CPNE4: variants seen among roughly 807,000 people sequenced by gnomAD.
CPNE4 encodes the protein copine 4.
In CPNE4, 25 loss-of-function variants were observed where a neutral mutation model predicts 67.9. The observed-to-expected ratio is 0.37, with a 90% CI of 0.27 to 0.51. The LOEUF is 0.51. Among genes scored for constraint, CPNE4 ranks in the 20% least tolerant of loss-of-function variants. The pLI, the probability that CPNE4 is intolerant of heterozygous loss-of-function variation, is 0.93. For synonymous variants in CPNE4, 242 were observed against 244.9 expected, an observed-to-expected ratio of 0.99 and a Z score of 0.11; for missense variants, 464 against 690.8, an observed-to-expected ratio of 0.67 and a Z score of 3.68.
intron 1 of CPNE4, among the ~76,000 whole-genome samples, chr3:131,989,111 C>G (rs1011294112): frequency 2.6e-5 from 4 of 152,178 alleles, no homozygotes; most frequent in African/African-American, 9.7e-5. Flanking sequence ...AAGGTGTGTT[C>G]AAAGCCCACC....
intron 6 of CPNE4, among the ~76,000 whole-genome samples, chr3:131,673,283 GTTC>G (rs1285547811): frequency 2.6e-5 from 4 of 151,990 alleles, no homozygotes; most frequent in African/African-American, 9.7e-5. Context: ...CTCCAGTTTT[GTTC>G]TTTTTGCTTA....
intron 1 of CPNE4, among the ~76,000 whole-genome samples, chr3:131,942,463 TGAGAGAGAGAGAGAGAGAGA>T (rs59277847): frequency 0.078 from 5,540 of 70,940 alleles, 221 homozygotes; most frequent in African/African-American, 0.14. Flanking sequence ...TGTGTGTGTG[TGAGAGAGAGAGAGAGAGAGA>T]GAGAGAGAGA....
At chr3:131,876,641 C>CAAAAAAAAAAAAA (rs61625119) in intron 2 of CPNE4, among the ~76,000 whole-genome samples, 11 of 101,596 alleles carry the variant, frequency 1.1e-4, no homozygotes, top group African/African-American at 2.9e-4. Flanking sequence ...GACTCCGTCT[C>CAAAAAAAAAAAAA]AAAAAAAAAA....
At chr3:132,036,296 C>T (rs185588517), upstream of CPNE4, among the ~76,000 whole-genome samples, 3 of 152,030 alleles carry the variant, frequency 2.0e-5, no homozygotes, top group Admixed American at 6.6e-5. Flanking sequence ...ATAAGTCAAT[C>T]GTTGTGACCT....
intron 1 of CPNE4, among the ~76,000 whole-genome samples, chr3:131,924,793 G>A (rs1014321483): frequency 1.3e-5 from 2 of 152,096 alleles, no homozygotes; most frequent in African/African-American, 2.4e-5. Context: ...CAGTGTAAAC[G>A]TGAGTGTTAT....
At chr3:131,758,289 AC>A (rs2082803408) in intron 2 of CPNE4, among the ~76,000 whole-genome samples, 2 of 152,170 alleles carry the variant, frequency 1.3e-5, no homozygotes, top group Non-Finnish European at 1.5e-5. Flanking sequence ...GACCATGGGA[AC>A]CCACCTCTTG....
At chr3:131,985,037 T>C (rs2073007726) in intron 1 of CPNE4, among the ~76,000 whole-genome samples, 1 of 152,214 alleles carries the variant, frequency 6.6e-6, no homozygotes, top group Non-Finnish European at 1.5e-5. Context: ...AGAAATTTAC[T>C]TCTCAAAGTT....
intron 1 of CPNE4, among the ~76,000 whole-genome samples, chr3:132,003,237 T>C (rs1284400699): frequency 6.6e-6 from 1 of 152,218 alleles, no homozygotes; most frequent in East Asian, 1.9e-4. Context: ...GATGACATCA[T>C]GGCTGCCTCT....
chr3:131,783,350 G>T (rs1248425492), intron 2 of CPNE4, among the ~76,000 whole-genome samples: 1 of 152,088 alleles, frequency 6.6e-6, no homozygotes, highest in African/African-American at 2.4e-5. Context: ...CCCCTTCTGT[G>T]TTAGTTACCT....
chr3:131,882,527 A>G (rs1270889387), intron 2 of CPNE4, among the ~76,000 whole-genome samples: 1 of 152,168 alleles, frequency 6.6e-6, no homozygotes, highest in African/African-American at 2.4e-5. Context: ...ACCCAATATG[A>G]ATATCCTTTA....
Position 131,542,426 on chromosome 3 carries a change from G to A in CPNE4, c.1539+131C>T, listed in dbSNP as rs1360515267. 3 of 730,898 alleles carry A rather than the reference G, an allele frequency of 4.1e-6. No homozygotes were observed. The South Asian group carries it at 4.7e-5, about 11-fold the overall frequency. 45.3% of individuals were successfully genotyped at this position (730,898 alleles called of 1,614,324 possible). A position where few individuals can be genotyped will look rare whatever the true frequency, so the allele number is the denominator to read the frequency against. On this transcript the variant is annotated intron_variant, in intron 15 of 15. Transcript: ENST00000429747. ...AAGCCAGGTCATCTCCCACAGCAAGGGTATGTAGAGCATAGCTGGTGTTGC... is the reference window on the plus strand; with the variant it reads ...AAGCCAGGTCATCTCCCACAGCAAGAGTATGTAGAGCATAGCTGGTGTTGC...
Position 131,723,625 on chromosome 3 carries a change from C to T in CPNE4, c.181G>A (p.Val61Ile). Reference protein sequence around the residue: ...KMQSHGQWFEVDRTEVIRTCI... With the variant: ...KMQSHGQWFEIDRTEVIRTCI... ...GTGCGAATCACCTCAGTCCTGTCAA[C>T]CTGCAAGGAGAAAGAGAAAACCTAT... is the stretch of plus-strand genomic sequence containing the variant. Residue 61 changes from valine to isoleucine, a missense_variant and splice_region_variant, in exon 3 of 16, where the codon GTT (valine) becomes ATT (isoleucine). This residue lies in a region of CPNE4 where 170 missense variants were observed against 203.3 expected (regional missense o/e 0.84). Transcript: ENST00000429747. The T allele has an allele frequency of 1.2e-6, 2 of 1,607,588 alleles. No individual in the cohort carries two copies. The highest frequency in any genetic ancestry group is 1.7e-6 in the Non-Finnish European group (2 of 1,176,386).
At chr3:131,978,228 C>CATATTTATATATATTTATAT (rs2072750042) in intron 1 of CPNE4, among the ~76,000 whole-genome samples, 1 of 10,014 alleles carries the variant, frequency 1.0e-4, no homozygotes, top group Non-Finnish European at 1.4e-4. Flanking sequence ...AATAAATTTA[C>CATATTTATATATATTTATAT]ATATTTATAT....
intron 2 of CPNE4, among the ~76,000 whole-genome samples, chr3:131,860,155 T>A (rs1015121913): frequency 4.6e-5 from 7 of 152,230 alleles, no homozygotes; most frequent in African/African-American, 1.7e-4. Context: ...TGTAAAGTTA[T>A]GTTGGTGCAT....
intron 6 of CPNE4, among the ~76,000 whole-genome samples, chr3:131,671,510 G>T (rs1477498007): frequency 6.6e-6 from 1 of 151,560 alleles, no homozygotes; most frequent in Non-Finnish European, 1.5e-5. Context: ...ACCCACAAGT[G>T]AGCAGTTTTG....
intron 2 of CPNE4, among the ~76,000 whole-genome samples, chr3:131,896,776 C>CT (rs1353282392): frequency 2.6e-5 from 4 of 152,166 alleles, no homozygotes; most frequent in African/African-American, 9.6e-5. Context: ...GCATGGATGC[C>CT]TTACCTTATT....
At chr3:131,775,994 T>G (rs1038751395) in intron 2 of CPNE4, among the ~76,000 whole-genome samples, 2 of 152,140 alleles carry the variant, frequency 1.3e-5, no homozygotes, top group Non-Finnish European at 2.9e-5. Context: ...AGGTGGATAA[T>G]TGTGAAGCAG....
intron 6 of CPNE4, among the ~76,000 whole-genome samples, chr3:131,679,365 T>TA (rs200406433): frequency 2.2e-4 from 33 of 151,390 alleles, no homozygotes; most frequent in South Asian, 6.3e-4. Context: ...ATAATATTAT[T>TA]AAAAAAAAAC....
intron 8 of CPNE4, among the ~76,000 whole-genome samples, chr3:131,586,726 ATCTGTCTG>A (rs3039201): frequency 0.042 from 5,506 of 129,614 alleles, 115 homozygotes; most frequent in African/African-American, 0.075. Flanking sequence ...TTCTATCTCT[ATCTGTCTG>A]TCTGTCTGTC....
Sources: allele counts gnomAD v4.1 joint callset (sites outside exome capture counted in the v4.1 genomes callset), GRCh38; gene constraint gnomAD v4.1.1; regional missense constraint gnomAD v4.1.1; transcripts MANE v1.5; gene names NCBI Gene and HGNC (gene_info 2026-07-23, HGNC 2026-07-21).